The following LYRM4 variants were observed in gnomAD, a reference collection of about 807,000 sequenced individuals.
The protein encoded by LYRM4 is LYR motif-containing protein 4.
In LYRM4, 9 loss-of-function variants were observed where a neutral mutation model predicts 11.7. The observed-to-expected ratio is 0.77, with a 90% CI of 0.46 to 1.34. The LOEUF (loss-of-function observed/expected upper bound fraction) is 1.34, where lower values mean the gene tolerates loss of function less well. Ranked by LOEUF, LYRM4 falls within the 40% of genes most tolerant of loss-of-function variation. The pLI, the probability that LYRM4 is intolerant of heterozygous loss-of-function variation, is 0.00. For missense variants in LYRM4, 133 were observed against 112.5 expected (o/e 1.18, Z -0.82); for synonymous variants, 42 against 40.4 (o/e 1.04, Z -0.15).
At chr6:5,041,391 T>C in the LYRM4 span, among the ~76,000 whole-genome samples, 2 of 152,244 alleles carry the variant, frequency 1.3e-5, no homozygotes, top group Admixed American at 6.5e-5. Context: ...AAAGGTTACA[T>C]GTTCAAGACT....
chr6:5,048,127 G>A, the LYRM4 span, among the ~76,000 whole-genome samples: 17 of 152,226 alleles, frequency 1.1e-4, no homozygotes, highest in East Asian at 2.1e-3. Flanking sequence ...ATGAGCATTC[G>A]TATTCTAAGA....
At chr6:5,032,227 C>A in the LYRM4 span, 1 of 152,054 alleles carries the variant, frequency 6.6e-6, no homozygotes, top group East Asian at 1.9e-4. Flanking sequence ...TGAGGGAAAC[C>A]AAGGCGTAAT....
intron 2 of LYRM4, among the ~76,000 whole-genome samples, chr6:5,177,942 A>G (rs548940519): frequency 6.6e-6 from 1 of 152,236 alleles, no homozygotes; most frequent in Non-Finnish European, 1.5e-5. Context: ...TTTGTTTAAA[A>G]CATTTCTGAA....
At chr6:5,215,860 T>C (rs960995150) in intron 2 of LYRM4, among the ~76,000 whole-genome samples, 1 of 152,352 alleles carries the variant, frequency 6.6e-6, no homozygotes, top group Admixed American at 6.5e-5. Flanking sequence ...ATGGAGTTTA[T>C]TGCGTGATTG....
chr6:5,207,572 G>A (rs1234931940), intron 2 of LYRM4, among the ~76,000 whole-genome samples: 1 of 152,184 alleles, frequency 6.6e-6, no homozygotes, highest in African/African-American at 2.4e-5. Context: ...GAAAGGACAA[G>A]ACAAGCAGTG....
At chr6:5,155,851 G>C (rs1383327534) in intron 2 of LYRM4, among the ~76,000 whole-genome samples, 3 of 152,226 alleles carry the variant, frequency 2.0e-5, no homozygotes, top group Non-Finnish European at 4.4e-5. Context: ...TCTCGGAATT[G>C]TGTATGTTCC....
intron 1 of LYRM4, among the ~76,000 whole-genome samples, chr6:5,248,727 A>C (rs1200482693): frequency 6.6e-6 from 1 of 152,208 alleles, no homozygotes; most frequent in East Asian, 1.9e-4. Flanking sequence ...ATCTGCTTCC[A>C]CAATATTCTG....
intron 2 of LYRM4, among the ~76,000 whole-genome samples, chr6:5,213,167 G>A (rs866899951): frequency 2.0e-5 from 3 of 152,220 alleles, no homozygotes; most frequent in Admixed American, 1.3e-4. Context: ...TTCTGAGTTT[G>A]CTCTAAGGAG....
chr6:5,243,310 T>C (rs1474567508), intron 1 of LYRM4, among the ~76,000 whole-genome samples: 4 of 152,212 alleles, frequency 2.6e-5, no homozygotes, highest in Non-Finnish European at 5.9e-5. Flanking sequence ...CTGCTGGCCA[T>C]GTAGCTCCCA....
chr6:5,093,268 T>G, the LYRM4 span, among the ~76,000 whole-genome samples: 1 of 152,270 alleles, frequency 6.6e-6, no homozygotes, highest in African/African-American at 2.4e-5. Context: ...TTTTTGTTTT[T>G]TGTTTTCTGG....
chr6:5,101,874 G>A (rs1762507712), downstream of LYRM4, among the ~76,000 whole-genome samples: 1 of 150,974 alleles, frequency 6.6e-6, no homozygotes, highest in Non-Finnish European at 1.5e-5. Context: ...TGGCTCACTT[G>A]ACCTCCTGGG....
intron 1 of LYRM4, among the ~76,000 whole-genome samples, chr6:5,249,296 T>C (rs1410784530): frequency 6.6e-6 from 1 of 152,198 alleles, no homozygotes; most frequent in Non-Finnish European, 1.5e-5. Context: ...CAAGGTTTCT[T>C]AATTTAAAGG....
intron 1 of LYRM4, among the ~76,000 whole-genome samples, chr6:5,256,750 T>C (rs1430503840): frequency 6.6e-6 from 1 of 151,866 alleles, no homozygotes; most frequent in Non-Finnish European, 1.5e-5. Context: ...CAGGGGAAAT[T>C]TACACCCAAG....
intron 2 of LYRM4, among the ~76,000 whole-genome samples, chr6:5,183,693 A>T (rs566382764): frequency 6.6e-6 from 1 of 152,320 alleles, no homozygotes; most frequent in Non-Finnish European, 1.5e-5. Flanking sequence ...CAGAAGTGGT[A>T]ATTTCTCATC....
the LYRM4 span, chr6:5,066,924 G>A: frequency 8.8e-7 from 1 of 1,131,704 alleles, no homozygotes; most frequent in South Asian, 2.1e-5. Context: ...AAAGCGACCA[G>A]CGCCCCCCAA....
In LYRM4 at chr6:5,260,719, A is replaced by C. The variant is rs1380123658; in HGVS notation, c.15T>G (p.Ser5Arg). 1.3e-6 allele frequency: 2 copies of C among 1,550,314 alleles called. No individual in the cohort carries two copies. Among genetic ancestry groups the C allele is most frequent in the Non-Finnish European group, 8.7e-7 (1 of 1,148,304 alleles). ...GGTACAGAGATAACACTTGTGCGCGACTGGAGGCTGCCATTTTGGAAAGAA... is the reference window on the plus strand; with the variant it reads ...GGTACAGAGATAACACTTGTGCGCGCCTGGAGGCTGCCATTTTGGAAAGAA... MAASSRAQVLSLYRA... is the reference protein window; with the variant it reads MAASRRAQVLSLYRA... The change falls in exon 1 of 3, where the codon AGT (serine) becomes AGG (arginine). Residue 5 changes from serine to arginine, a missense_variant. By Grantham distance (110) the Ser-to-Arg change is moderately radical. Coordinates refer to ENST00000330636, the MANE Select transcript of LYRM4 (RefSeq NM_020408.6).
At chr6:5,101,634 T>A, downstream of LYRM4, among the ~76,000 whole-genome samples, 1 of 152,104 alleles carries the variant, frequency 6.6e-6, no homozygotes. Flanking sequence ...GCTCTTATTT[T>A]CTCAACAAGA....
the LYRM4 span, among the ~76,000 whole-genome samples, chr6:5,038,238 T>C: frequency 2.4e-4 from 12 of 50,484 alleles, 3 homozygotes; most frequent in Non-Finnish European, 4.2e-4. Flanking sequence ...CCTCACTTCC[T>C]AGATGGGATG....
chr6:5,158,109 C>T (rs1397794395), intron 2 of LYRM4, among the ~76,000 whole-genome samples: 2 of 152,118 alleles, frequency 1.3e-5, no homozygotes, highest in Non-Finnish European at 2.9e-5. Context: ...TCCCACCACC[C>T]AAATGTATAA....
Sources: allele counts gnomAD v4.1 joint callset (sites outside exome capture counted in the v4.1 genomes callset), GRCh38; gene constraint gnomAD v4.1.1; transcripts MANE v1.5; gene names NCBI Gene and HGNC (gene_info 2026-07-23, HGNC 2026-07-21).